Variants in LIG1 observed in about 807,000 individuals in gnomAD.
LIG1 encodes DNA ligase 1.
In LIG1, 70 loss-of-function variants were observed where a neutral mutation model predicts 115.7. The ratio of observed to expected loss-of-function variants is 0.60; its 90% confidence interval spans 0.50 to 0.74. The LOEUF is 0.74. LIG1 is among the 30% of genes least tolerant of loss of function. LIG1 has a pLI of 0.00. For synonymous variants in LIG1, 487 were observed against 495.3 expected, an observed-to-expected ratio of 0.98 and a Z score of 0.22; for missense variants, 1,115 against 1,225.6, an observed-to-expected ratio of 0.91 and a Z score of 1.35.
intron 5 of LIG1, among the ~76,000 whole-genome samples, chr19:48,155,224 C>T (rs372185052): frequency 6.6e-6 from 1 of 152,304 alleles, no homozygotes; most frequent in Non-Finnish European, 1.5e-5. Context: ...CCAGGACCCA[C>T]AGCACGAAGC....
At chr19:48,155,934 T>C (rs973259251) in intron 5 of LIG1, among the ~76,000 whole-genome samples, 2 of 152,186 alleles carry the variant, frequency 1.3e-5, no homozygotes, top group African/African-American at 2.4e-5. Context: ...GGATCTAACA[T>C]GAAAGATTCA....
At chr19:48,148,355 A>G (rs1377007325) in intron 9 of LIG1, among the ~76,000 whole-genome samples, 2 of 151,918 alleles carry the variant, frequency 1.3e-5, no homozygotes, top group African/African-American at 4.8e-5. Context: ...GGCACCTGTA[A>G]TTCTGGCTAC....
In LIG1 at chr19:48,131,101, G is replaced by C. The variant is rs753024168; in HGVS notation, c.1796C>G (p.Pro599Arg). 2.5e-6 allele frequency: 4 copies of C among 1,614,096 alleles called. No homozygotes were observed. Among genetic ancestry groups the C allele is most frequent in the East Asian group, 4.5e-5 (2 of 44,872 alleles). The change falls in exon 19 of 28, where the codon CCG (proline) becomes CGG (arginine). Residue 599 changes from proline to arginine, a missense_variant. Pro to Arg is a moderately radical substitution (Grantham distance 103, BLOSUM62 -2). Transcript: ENST00000263274. Reference sequence around the variant, plus strand: ...CTTGGGGATGCGGCTGATGATGTCCGGGTACTTCCCAGTGTTGTCTTCCTG... The same window carrying C: ...CTTGGGGATGCGGCTGATGATGTCCCGGTACTTCCCAGTGTTGTCTTCCTG... ...RNQEDNTGKY[P>R]DIISRIPKIK...
intron 1 of LIG1, among the ~76,000 whole-genome samples, chr19:48,167,825 TAAAAAAAAAAA>T (rs776208781): frequency 1.8e-5 from 2 of 113,728 alleles, no homozygotes; most frequent in Non-Finnish European, 3.8e-5. Context: ...GACCCCGTCT[TAAAAAAAAAAA>T]AAAAAAAAAA....
chr19:48,116,064 C>T (rs1031535129), intron 26 of LIG1, 99 bp from the exon 27 acceptor site: 12 of 836,988 alleles, frequency 1.4e-5, no homozygotes, highest in East Asian at 2.6e-5. Flanking sequence ...ATCCACATGA[C>T]GGGGCCGAAC....
Position 48,157,020 on chromosome 19 carries a change from G to T in LIG1, c.364C>A (p.Arg122Ser). Residue 122 changes from arginine to serine, a missense_variant, in exon 5 of 28, where the codon CGC becomes AGC. Transcript: ENST00000263274. ...GGGGCCCGTGTGTTCTCACCTGTGC[G>T]ACGCTTCGGAATCCCTGATGGGGAA... ...DSSPSGIPKR[R>S]TARKQLPKRT... 1 of 1,605,884 alleles carries T rather than the reference G, an allele frequency of 6.2e-7. No homozygotes were observed. Among genetic ancestry groups the T allele is most frequent in the South Asian group, 1.1e-5 (1 of 90,924 alleles).
rs1568560495 is a variant in LIG1 at position 48,165,603 on chromosome 19, T to C, written c.-37A>G. ...AATTCTCCCTTCCTGTCCAGCACTT[T>C]TCTTCGTCTGTCAGCTGCTCCTGGA... is the stretch of plus-strand genomic sequence containing the variant. On this transcript the variant is annotated 5_prime_UTR_variant, in exon 2 of 28. Coordinates refer to ENST00000263274, the MANE Select transcript of LIG1 (RefSeq NM_000234.3). The C allele has an allele frequency of 1.9e-6, 3 of 1,614,054 alleles. No homozygotes were observed. The highest frequency in any genetic ancestry group is 2.5e-6 in the Non-Finnish European group (3 of 1,179,952).
At chr19:48,148,081 C>A (rs558810932) in intron 9 of LIG1, among the ~76,000 whole-genome samples, 2 of 146,272 alleles carry the variant, frequency 1.4e-5, no homozygotes, top group Admixed American at 1.4e-4. Flanking sequence ...AGGCACCCGG[C>A]TTCCCTAAGC....
chr19:48,166,491 CGCCTCAGGAGGG>C (rs61040782), intron 1 of LIG1, among the ~76,000 whole-genome samples: 15 of 152,002 alleles, frequency 9.9e-5, no homozygotes, highest in African/African-American at 3.4e-4. Flanking sequence ...GTAATGCTGT[CGCCTCAGGAGGG>C]ACAGACGCTG....
chr19:48,125,188 G>A (rs1478956713), intron 21 of LIG1, among the ~76,000 whole-genome samples: 2 of 152,120 alleles, frequency 1.3e-5, no homozygotes, highest in Non-Finnish European at 2.9e-5. Flanking sequence ...TTTAAAGAAG[G>A]AATATTTGAA....
Position 48,115,606 on chromosome 19 carries a change from G to T in LIG1, c.*43C>A. ...AAAGGCAATAATAACCCTGGGGTCC[G>T]TCCAACTCATGCCCTGTACCCAGGC... On this transcript the variant is annotated 3_prime_UTR_variant, in exon 28 of 28. Transcript: ENST00000263274. 1 of 1,431,224 alleles carries T rather than the reference G, an allele frequency of 7.0e-7. No individual in the cohort carries two copies. The allele number at this position is 1,431,224 out of a possible 1,614,324, so 88.7% of individuals were successfully genotyped here. A position where few individuals can be genotyped will look rare whatever the true frequency, so the allele number is the denominator to read the frequency against.
chr19:48,122,533 C>A lies in LIG1; in HGVS notation c.2232+401G>T, dbSNP rs763511636. 2.0e-5 allele frequency among the ~76,000 whole-genome samples: 3 copies of A among 152,186 alleles called. No individual in the cohort carries two copies. The highest frequency in any genetic ancestry group is 4.4e-5 in the Non-Finnish European group (3 of 68,036). ...TTGGGAAAGACTCTTCCTGATCATCCGGGGCACTCCCAGCCCCGCCTTGCT... is the reference window on the plus strand; with the variant it reads ...TTGGGAAAGACTCTTCCTGATCATCAGGGGCACTCCCAGCCCCGCCTTGCT... On this transcript the variant is annotated intron_variant, in intron 23 of 27. Coordinates refer to ENST00000263274, the MANE Select transcript of LIG1 (RefSeq NM_000234.3). The surrounding 1 kb of genome is among the most constrained non-coding windows in gnomAD (Gnocchi z 4.3).
rs567979855 is a variant in LIG1 at position 48,137,354 on chromosome 19, G to A, written c.1254+168C>T. On this transcript the variant is annotated intron_variant, in intron 13 of 27. Transcript: ENST00000263274. The surrounding 1 kb of genome is among the most constrained non-coding windows in gnomAD (Gnocchi z 4.3). ...ATTAGGTCTGCTAGACTCTGAAGAG[G>A]AGACTCCCCTAGGATTGGGTGCAGG... is the stretch of plus-strand genomic sequence containing the variant. Among the ~76,000 whole-genome samples, 3 of 152,308 alleles carry A rather than the reference G, an allele frequency of 2.0e-5. No homozygotes were observed. In the East Asian group the frequency reaches 5.8e-4, roughly 29 times the overall value.
chr19:48,119,206 G>A lies in LIG1; in HGVS notation c.2386-16C>T, dbSNP rs1348189967. 24 of 1,578,608 alleles carry A rather than the reference G, an allele frequency of 1.5e-5. No individual in the cohort carries two copies. The highest frequency in any genetic ancestry group is 4.1e-5 in the African/African-American group (3 of 73,946). The stretch of plus-strand genomic sequence containing the variant: ...CAGTTCCAAGCTGCAGGGAGGAAGC[G>A]GGAGGTCAGAGGCTCAGCCAGCCAC... On this transcript the variant is annotated splice_polypyrimidine_tract_variant and intron_variant, in intron 24 of 27. Transcript: ENST00000263274.
chr19:48,124,968 T>A (rs1374953191), intron 21 of LIG1, among the ~76,000 whole-genome samples: 1 of 145,886 alleles, frequency 6.9e-6, no homozygotes, highest in African/African-American at 2.6e-5. Context: ...TGAGCCAAGA[T>A]CACACCACTG....
At chr19:48,119,427 G>A (rs1250455654) in intron 24 of LIG1, among the ~76,000 whole-genome samples, 1 of 151,664 alleles carries the variant, frequency 6.6e-6, no homozygotes, top group Admixed American at 6.6e-5. Flanking sequence ...GCTTTATGGA[G>A]AAACTCTTGC....
rs2034333884 is a variant in LIG1, at chr19:48,135,677, C to T, written c.1523+3G>A. ...GCAACTCCACCCACTGCCCAGCTCTCACCAGAACGTCTGCTTCAGGATCAT... is the reference window on the plus strand; with the variant it reads ...GCAACTCCACCCACTGCCCAGCTCTTACCAGAACGTCTGCTTCAGGATCAT... On this transcript the variant is annotated splice_donor_region_variant and intron_variant, in intron 16 of 27. Transcript: ENST00000263274. 1 of 1,613,072 alleles carries T rather than the reference C, an allele frequency of 6.2e-7. No individual in the cohort carries two copies. The highest frequency in any genetic ancestry group is 8.5e-7 in the Non-Finnish European group (1 of 1,179,178).
rs928301696 is a variant in LIG1, at chr19:48,157,221, G to A, written c.244-81C>T. 2.1e-6 allele frequency: 3 copies of A among 1,433,394 alleles called. No individual in the cohort carries two copies. In the African/African-American group the frequency reaches 4.2e-5, roughly 20 times the overall value. The allele number at this position is 1,433,394 out of a possible 1,614,324, so 88.8% of individuals were successfully genotyped here. On this transcript the variant is annotated intron_variant, in intron 4 of 27. Coordinates refer to ENST00000263274, the MANE Select transcript of LIG1 (RefSeq NM_000234.3). ...CCAAAAGTTGAGAGTAGAGGGGACT[G>A]AAACCTCTCTGTCTACCCTCCTTTC...
At position 48,143,425 on chromosome 19, in the gene LIG1, G is replaced by A. The variant is rs909038105; in HGVS notation, c.914+118C>T. On this transcript the variant is annotated intron_variant, in intron 11 of 27. Transcript: ENST00000263274. The stretch of plus-strand genomic sequence containing the variant: ...GTCTGACATCCATGATCATACGCCC[G>A]AGCGGGGTCAGAGGCCAAGTTGACA... 31 of 933,154 alleles carry A rather than the reference G, an allele frequency of 3.3e-5. 1 individual carries two copies. Among genetic ancestry groups the A allele is most frequent in the Non-Finnish European group, 5.0e-5 (28 of 561,994 alleles). 57.8% of individuals were successfully genotyped at this position (933,154 alleles called of 1,614,324 possible).
Sources: allele counts gnomAD v4.1 joint callset (sites outside exome capture counted in the v4.1 genomes callset), GRCh38; gene constraint gnomAD v4.1.1; non-coding constraint Gnocchi (gnomAD v3.1); transcripts MANE v1.5; gene names NCBI Gene and HGNC (gene_info 2026-07-23, HGNC 2026-07-21).